The following WWTR1 variants were observed in gnomAD, a reference collection of about 807,000 sequenced individuals.
WWTR1 encodes WW domain containing transcription regulator 1.
Under a neutral mutation model 40.1 loss-of-function variants are expected in WWTR1, and 13 were observed. The observed-to-expected ratio is 0.32, with a 90% CI of 0.21 to 0.52. The LOEUF is 0.52. Among genes scored for constraint, WWTR1 ranks in the 20% least tolerant of loss-of-function variants. The pLI is 0.97. For synonymous variants in WWTR1, 230 were observed against 210.1 expected, an observed-to-expected ratio of 1.09 and a Z score of -0.82; for missense variants, 436 against 523.1, an observed-to-expected ratio of 0.83 and a Z score of 1.63.
chr3:149,549,604 G>A (rs753940936), intron 3 of WWTR1, among the ~76,000 whole-genome samples: 27 of 152,150 alleles, frequency 1.8e-4, no homozygotes, highest in Non-Finnish European at 3.5e-4. Context: ...TTGGGAGGCC[G>A]AGGCAGGAGA....
chr3:149,601,170 T>G (rs995818981), intron 2 of WWTR1, among the ~76,000 whole-genome samples: 1 of 152,176 alleles, frequency 6.6e-6, no homozygotes, highest in Non-Finnish European at 1.5e-5. Context: ...AAGAGGTAGA[T>G]GCATATTTTA....
chr3:149,556,386 C>T (rs540135726), intron 3 of WWTR1, among the ~76,000 whole-genome samples: 2 of 152,308 alleles, frequency 1.3e-5, no homozygotes, highest in African/African-American at 4.8e-5. Flanking sequence ...CCAGACCAGC[C>T]TTGCCAACAT....
chr3:149,549,216 A>G lies in WWTR1; in HGVS notation c.569-6679T>C, dbSNP rs1052383950. Reference sequence around the variant, plus strand: ...CACAGGATTGAATGAGTGGTGGCTGATGGGAGTTGGGGGGCAACATTACTG... The same window carrying G: ...CACAGGATTGAATGAGTGGTGGCTGGTGGGAGTTGGGGGGCAACATTACTG... On this transcript the variant is annotated intron_variant, in intron 3 of 6. Transcript: ENST00000360632. Among the ~76,000 whole-genome samples, 3 of 152,182 alleles carry G rather than the reference A, an allele frequency of 2.0e-5. No individual in the cohort carries two copies. The East Asian group carries it at 5.8e-4, about 29-fold the overall frequency.
intron 2 of WWTR1, among the ~76,000 whole-genome samples, chr3:149,617,556 T>G (rs1359709411): frequency 1.3e-5 from 2 of 152,146 alleles, no homozygotes; most frequent in East Asian, 3.8e-4. Flanking sequence ...TCCCAGCACT[T>G]TGGGATGCCA....
At chr3:149,540,602 AATT>A (rs1289478105) in intron 4 of WWTR1, among the ~76,000 whole-genome samples, 3 of 152,208 alleles carry the variant, frequency 2.0e-5, no homozygotes, top group Admixed American at 1.3e-4. Context: ...TTCCAAATAA[AATT>A]ATTATTCAAA....
At chr3:149,544,673 T>C (rs915646756) in intron 3 of WWTR1, among the ~76,000 whole-genome samples, 10 of 152,174 alleles carry the variant, frequency 6.6e-5, no homozygotes, top group African/African-American at 2.4e-4. Context: ...CCCGTCCAAC[T>C]GTCCCTAGCC....
intron 1 of WWTR1, chr3:149,657,516 G>A (rs1344665181): frequency 3.3e-6 from 2 of 607,410 alleles, no homozygotes; most frequent in Non-Finnish European, 5.6e-6. Flanking sequence ...CGAGAATTAT[G>A]CAACTTTCTT....
At chr3:149,711,583 C>T (rs1715478905) in intron 5 of WWTR1, among the ~76,000 whole-genome samples, 1 of 152,166 alleles carries the variant, frequency 6.6e-6, no homozygotes, top group Admixed American at 6.5e-5. Context: ...CTCTTAGCCT[C>T]AGCAGCTGAA....
intron 3 of WWTR1, among the ~76,000 whole-genome samples, chr3:149,561,326 T>TAA (rs145568418): frequency 2.7e-5 from 4 of 150,844 alleles, no homozygotes; most frequent in African/African-American, 9.7e-5. Context: ...ATTCATAAGT[T>TAA]AAAAAAAAAG....
intron 3 of WWTR1, among the ~76,000 whole-genome samples, chr3:149,548,494 A>G (rs1221620500): frequency 6.6e-6 from 1 of 152,178 alleles, no homozygotes; most frequent in East Asian, 1.9e-4. Context: ...TTACACACAT[A>G]CACATATACA....
chr3:149,605,388 C>CA (rs1056389784), intron 2 of WWTR1, among the ~76,000 whole-genome samples: 1 of 151,916 alleles, frequency 6.6e-6, no homozygotes, highest in Non-Finnish European at 1.5e-5. Context: ...AAAACATAGA[C>CA]AAGGGAGCAG....
At chr3:149,614,721 G>A (rs1229284590) in intron 2 of WWTR1, among the ~76,000 whole-genome samples, 3 of 152,148 alleles carry the variant, frequency 2.0e-5, no homozygotes, top group East Asian at 1.9e-4. Flanking sequence ...GGTGGCTCAC[G>A]CCTGTAATCC....
At chr3:149,610,679 G>A (rs905281630) in intron 2 of WWTR1, among the ~76,000 whole-genome samples, 2 of 152,228 alleles carry the variant, frequency 1.3e-5, no homozygotes, top group Non-Finnish European at 2.9e-5. Context: ...GACGCCAGAA[G>A]GCTGGAAGAG....
At chr3:149,626,980 AG>A (rs1740574190) in intron 2 of WWTR1, among the ~76,000 whole-genome samples, 1 of 152,170 alleles carries the variant, frequency 6.6e-6, no homozygotes, top group Non-Finnish European at 1.5e-5. Context: ...AAGAAATCTT[AG>A]GCCAGGTAAG....
chr3:149,527,505 T>C lies in WWTR1; in HGVS notation c.905+331A>G, dbSNP rs529840509. Among the ~76,000 whole-genome samples the C allele has an allele frequency of 2.0e-5, 3 of 152,340 alleles. No individual in the cohort carries two copies. The South Asian group carries it at 6.2e-4, about 32-fold the overall frequency. ...TGCCATATGGCATGCTTTTATCCCC[T>C]GTTGGTTACATAAAACCAGAAGATT... On this transcript the variant is annotated intron_variant, in intron 5 of 6. Coordinates refer to ENST00000360632, the MANE Select transcript of WWTR1 (RefSeq NM_015472.6).
At chr3:149,577,771 TG>T (rs1385625922) in intron 2 of WWTR1, among the ~76,000 whole-genome samples, 2 of 152,142 alleles carry the variant, frequency 1.3e-5, no homozygotes, top group Admixed American at 1.3e-4. Context: ...ATTGTGTGTT[TG>T]GGGTTAAAAT....
At chr3:149,544,519 C>T (rs906790296) in intron 3 of WWTR1, among the ~76,000 whole-genome samples, 1 of 152,142 alleles carries the variant, frequency 6.6e-6, no homozygotes, top group Admixed American at 6.5e-5. Context: ...GAACATGAAA[C>T]TGTTAGGCTA....
intron 2 of WWTR1, among the ~76,000 whole-genome samples, chr3:149,609,069 A>G (rs1472784202): frequency 6.6e-6 from 1 of 151,722 alleles, no homozygotes; most frequent in Non-Finnish European, 1.5e-5. Context: ...ACCTTGTCTC[A>G]AAAAAAACCT....
intron 3 of WWTR1, among the ~76,000 whole-genome samples, chr3:149,564,320 G>C (rs1158976990): frequency 6.6e-6 from 1 of 152,168 alleles, no homozygotes; most frequent in African/African-American, 2.4e-5. Flanking sequence ...ACTGATCTTA[G>C]AGACTAGTGA....
Sources: allele counts gnomAD v4.1 joint callset (sites outside exome capture counted in the v4.1 genomes callset), GRCh38; gene constraint gnomAD v4.1.1; transcripts MANE v1.5; gene names NCBI Gene and HGNC (gene_info 2026-07-23, HGNC 2026-07-21).